Variants in ZNF141 observed in about 807,000 individuals in gnomAD.
ZNF141 encodes the protein zinc finger protein 141 (clone pHZ-44).
Under a neutral mutation model 11.3 loss-of-function variants are expected in ZNF141, and 7 were observed. The ratio of observed to expected loss-of-function variants is 0.62; its 90% confidence interval spans 0.35 to 1.16. The LOEUF (loss-of-function observed/expected upper bound fraction) is 1.16, where lower values mean the gene tolerates loss of function less well. ZNF141 is among the 50% of genes most tolerant of loss of function. The probability of loss-of-function intolerance (pLI) is 0.02; values close to 1 mark genes in which losing one functional copy is unlikely to be tolerated. For missense variants in ZNF141, 535 were observed against 554.0 expected (o/e 0.97, Z 0.34); for synonymous variants, 183 against 190.7 (o/e 0.96, Z 0.33).
chr4:350,325 T>G (rs1581593512), intron 3 of ZNF141: 1 of 440,742 alleles, frequency 2.3e-6, no homozygotes, highest in East Asian at 6.9e-5. Context: ...CTACTTCTGC[T>G]TTCTATGTGC....
chr4:352,284 G>C (rs1392438226), intron 3 of ZNF141, among the ~76,000 whole-genome samples: 1 of 152,208 alleles, frequency 6.6e-6, no homozygotes, highest in African/African-American at 2.4e-5. Context: ...CTACTCAGAA[G>C]GCTGAGGCAG....
intron 1 of ZNF141, among the ~76,000 whole-genome samples, chr4:341,390 AATGGCT>A (rs1459039347): frequency 1.3e-5 from 2 of 152,152 alleles, no homozygotes; most frequent in Non-Finnish European, 2.9e-5. Context: ...CCATTATGTG[AATGGCT>A]ATTCATTGAC....
At chr4:342,413 A>G (rs944933127) in intron 1 of ZNF141, among the ~76,000 whole-genome samples, 2 of 152,224 alleles carry the variant, frequency 1.3e-5, no homozygotes, top group Admixed American at 6.5e-5. Context: ...TTGTGTTGTG[A>G]TAACGGTGTT....
chr4:364,194 T>C lies in ZNF141; in HGVS notation c.227-8470T>C, dbSNP rs181879392. Among the ~76,000 whole-genome samples, 891 of 152,328 alleles carry C rather than the reference T, an allele frequency of 5.8e-3. 11 individuals are homozygous for C. Among genetic ancestry groups the C allele is most frequent in the African/African-American group, 0.019 (807 of 41,582 alleles). ...CTGTGAGGCTTTGGTATCAGAATGA[T>C]GCTGGCCTCATAAAATGAGTTAGGG... On this transcript the variant is annotated intron_variant, in intron 3 of 3. Coordinates refer to ENST00000240499, the MANE Select transcript of ZNF141 (RefSeq NM_003441.4).
chr4:373,592 T>TA lies in ZNF141; in HGVS notation c.1162dup (p.Ile388AsnfsTer11), dbSNP rs782618581. On this transcript the variant is annotated frameshift_variant, in exon 4 of 4. Coordinates refer to ENST00000240499, the MANE Select transcript of ZNF141 (RefSeq NM_003441.4). LOFTEE classifies it low-confidence loss of function (END_TRUNC). The stretch of plus-strand genomic sequence containing the variant: ...GACGGTCCAGGGTCCTGAATGAACA[T>TA]AAAAAAATTCATACTGGAGAGAAAC... 4 of 1,613,898 alleles carry TA rather than the reference T, an allele frequency of 2.5e-6. No individual in the cohort carries two copies. Among genetic ancestry groups the TA allele is most frequent in the Non-Finnish European group, 3.4e-6 (4 of 1,179,924 alleles).
Position 381,556 on chromosome 4 carries a change from C to T in ZNF141, c.*7694C>T, listed in dbSNP as rs190257891. ...CCTGAGTAGCTGGGACTAACAGGTG[C>T]GCCCCACCACGCCTGAAAAATTTTT... On this transcript the variant is annotated 3_prime_UTR_variant, in exon 4 of 4. Coordinates refer to ENST00000240499, the MANE Select transcript of ZNF141 (RefSeq NM_003441.4). 2.3e-4 allele frequency among the ~76,000 whole-genome samples: 35 copies of T among 151,898 alleles called. No individual in the cohort carries two copies. The highest frequency in any genetic ancestry group is 8.0e-4 in the African/African-American group (33 of 41,428).
Position 372,931 on chromosome 4 carries a change from CAA to C in ZNF141, c.495_496del (p.Arg166ThrfsTer8). The C allele has an allele frequency of 6.2e-7, 1 of 1,614,006 alleles. No individual in the cohort carries two copies. The highest frequency in any genetic ancestry group is 8.5e-7 in the Non-Finnish European group (1 of 1,179,954). ...TTTTCAAATTCAAACAAACGTAAGACAAGACATACTGGAGAGAAACACTTTAA... is the reference window on the plus strand; with the variant it reads ...TTTTCAAATTCAAACAAACGTAAGACGACATACTGGAGAGAAACACTTTAA... On this transcript the variant is annotated frameshift_variant, in exon 4 of 4. Coordinates refer to ENST00000240499, the MANE Select transcript of ZNF141 (RefSeq NM_003441.4). LOFTEE classifies it low-confidence loss of function (END_TRUNC).
chr4:349,473 T>C (rs899087799), intron 3 of ZNF141, among the ~76,000 whole-genome samples: 6 of 152,374 alleles, frequency 3.9e-5, no homozygotes, highest in African/African-American at 1.4e-4. Context: ...CTAATTGTTT[T>C]GATACAAACT....
At position 344,265 on chromosome 4, in the gene ZNF141, G is replaced by C. The variant is rs541079420; in HGVS notation, c.131-70G>C. 2.3e-6 allele frequency: 3 copies of C among 1,307,962 alleles called. No individual in the cohort carries two copies. In the Admixed American group the frequency reaches 5.5e-5, roughly 24 times the overall value. The allele number at this position is 1,307,962 out of a possible 1,614,324, so 81.0% of individuals were successfully genotyped here. A position where few individuals can be genotyped will look rare whatever the true frequency, so the allele number is the denominator to read the frequency against. On this transcript the variant is annotated intron_variant, in intron 2 of 3. Transcript: ENST00000240499. ...CCATAATATCTCTATTCTGCTTAGC[G>C]TAGTACTAGGTTGGTAATTGGAGAA...
At chr4:358,109 A>G (rs1721931728) in intron 3 of ZNF141, 2 of 344,846 alleles carry the variant, frequency 5.8e-6, no homozygotes, top group South Asian at 4.2e-5. Flanking sequence ...CTTCTGTTAA[A>G]GCTTGTTGTT....
At chr4:358,314 A>G (rs781988836) in intron 3 of ZNF141, 2 of 357,082 alleles carry the variant, frequency 5.6e-6, no homozygotes, top group East Asian at 1.0e-4. Context: ...CCGCCTCCCA[A>G]GTAGCTGGGA....
At chr4:342,721 T>A in intron 1 of ZNF141, 1 of 1,128,064 alleles carries the variant, frequency 8.9e-7, no homozygotes, top group Non-Finnish European at 1.3e-6. Context: ...CCACAGATCC[T>A]GTCCATTGTT....
intron 1 of ZNF141, among the ~76,000 whole-genome samples, chr4:342,028 G>A (rs971133373): frequency 1.3e-5 from 2 of 151,888 alleles, no homozygotes; most frequent in Non-Finnish European, 2.9e-5. Context: ...CACTTTCTTT[G>A]GCTCTCTCCC....
rs571039666 is a variant in ZNF141, at chr4:380,662, A to C, written c.*6800A>C. On this transcript the variant is annotated 3_prime_UTR_variant, in exon 4 of 4. Coordinates refer to ENST00000240499, the MANE Select transcript of ZNF141 (RefSeq NM_003441.4). Reference sequence around the variant, plus strand: ...AGCAAAACTCCATCCCCCCTGCCCAAAAAAAAAAATTAATTTTCACAGAAA... The same window carrying C: ...AGCAAAACTCCATCCCCCCTGCCCACAAAAAAAAATTAATTTTCACAGAAA... 0.068 allele frequency among the ~76,000 whole-genome samples: 3,453 copies of C among 50,616 alleles called. 132 individuals are homozygous for C. The highest frequency in any genetic ancestry group is 0.37 in the African/African-American group (3,228 of 8,792). The allele number at this position is 50,616 out of a possible 152,430, so 33.2% of individuals were successfully genotyped here. A position where few individuals can be genotyped will look rare whatever the true frequency, so the allele number is the denominator to read the frequency against.
Position 376,259 on chromosome 4 carries a change from A to G in ZNF141, c.*2397A>G, listed in dbSNP as rs1712359701. Among the ~76,000 whole-genome samples, 1 of 152,198 alleles carries G rather than the reference A, an allele frequency of 6.6e-6. No individual in the cohort carries two copies. The highest frequency in any genetic ancestry group is 1.5e-5 in the Non-Finnish European group (1 of 67,912). The stretch of plus-strand genomic sequence containing the variant: ...TTCTCTTTTTCCAGTGGCTTTAAAT[A>G]GCAAATACATTGAAGAATATCATTC... On this transcript the variant is annotated 3_prime_UTR_variant, in exon 4 of 4. Coordinates refer to ENST00000240499, the MANE Select transcript of ZNF141 (RefSeq NM_003441.4).
intron 1 of ZNF141, among the ~76,000 whole-genome samples, chr4:341,245 T>A (rs1721037761): frequency 1.3e-5 from 2 of 151,978 alleles, no homozygotes; most frequent in African/African-American, 4.8e-5. Flanking sequence ...TATTTTGTAG[T>A]AGAGATGGGG....
intron 3 of ZNF141, among the ~76,000 whole-genome samples, chr4:353,097 A>T (rs1274079552): frequency 6.6e-6 from 1 of 152,100 alleles, no homozygotes; most frequent in East Asian, 1.9e-4. Context: ...ATCAGGCTGG[A>T]TGTGGTGGCT....
In ZNF141 at chr4:373,334, C is replaced by A; in HGVS notation, c.897C>A (p.Ala299=). Residue 299 remains alanine, a synonymous_variant, in exon 4 of 4, where the codon GCC becomes GCA. Transcript: ENST00000240499. ...TCTTTACCTCATCCTCAAACTTTGC[C>A]AAACATAAGCGAATTCATACTGGAG... The part of the protein sequence containing the change: ...RKIFTSSSNF[A]KHKRIHTGEK... 6.2e-7 allele frequency: 1 copy of A among 1,601,340 alleles called. No homozygotes were observed. The highest frequency in any genetic ancestry group is 1.7e-4 in the Middle Eastern group (1 of 6,006).
rs782161452 is a variant in ZNF141, at chr4:376,530, T to C, written c.*2668T>C. On this transcript the variant is annotated 3_prime_UTR_variant, in exon 4 of 4. Coordinates refer to ENST00000240499, the MANE Select transcript of ZNF141 (RefSeq NM_003441.4). ...AGTATTATATCAGTATAATTATAAT[T>C]CATACATTTATGCATCCTGAATACT... 3.3e-5 allele frequency among the ~76,000 whole-genome samples: 5 copies of C among 152,110 alleles called. No individual in the cohort carries two copies. Among genetic ancestry groups the C allele is most frequent in the Non-Finnish European group, 7.4e-5 (5 of 67,918 alleles).
Sources: gnomAD v4.1 joint callset for allele counts (sites outside exome capture counted in the v4.1 genomes callset) on GRCh38, gnomAD v4.1.1 for gene constraint, MANE v1.5 for transcripts, NCBI Gene and HGNC (gene_info 2026-07-23, HGNC 2026-07-21) for gene names.